GDAP1: variants seen among roughly 807,000 people sequenced by gnomAD.
GDAP1 encodes the protein ganglioside induced differentiation associated protein 1.
Under a neutral mutation model 40.1 loss-of-function variants are expected in GDAP1, and 34 were observed. The observed-to-expected ratio is 0.85, with a 90% CI of 0.64 to 1.13. The LOEUF (loss-of-function observed/expected upper bound fraction) is 1.13, where lower values mean the gene tolerates loss of function less well. Among genes scored for constraint, GDAP1 ranks in the 50% most tolerant of loss-of-function variants. The pLI is 0.00. For missense variants in GDAP1, 374 were observed against 433.7 expected (o/e 0.86, Z 1.22); for synonymous variants, 170 against 157.4 (o/e 1.08, Z -0.60).
At chr8:74,483,175 T>G (rs1331366770) in intron 2 of GDAP1, among the ~76,000 whole-genome samples, 2 of 152,160 alleles carry the variant, frequency 1.3e-5, no homozygotes, top group East Asian at 3.9e-4. Context: ...TATTGGGCAT[T>G]AATTAGATCA....
intron 2 of GDAP1, among the ~76,000 whole-genome samples, chr8:74,381,633 G>GT (rs1809955008): frequency 6.6e-6 from 1 of 151,936 alleles, no homozygotes; most frequent in Non-Finnish European, 1.5e-5. Flanking sequence ...GCAGGTGCCT[G>GT]TAATCCCAGC....
chr8:74,354,532 G>A (rs1425449489), intron 2 of GDAP1, among the ~76,000 whole-genome samples: 1 of 152,122 alleles, frequency 6.6e-6, no homozygotes, highest in African/African-American at 2.4e-5. Context: ...TATTTCTTAT[G>A]GAAATACAAC....
Position 74,453,940 on chromosome 8 carries a change from AACACACACACAC to A in GDAP1, c.166-34713_166-34702del, listed in dbSNP as rs59331820. Among the ~76,000 whole-genome samples, 38 of 59,076 alleles carry A rather than the reference AACACACACACAC, an allele frequency of 6.4e-4. 11 individuals are homozygous for A. The highest frequency in any genetic ancestry group is 2.2e-3 in the African/African-American group (28 of 12,632). 38.8% of individuals were successfully genotyped at this position (59,076 alleles called of 152,430 possible). The stretch of plus-strand genomic sequence containing the variant: ...CTTTATTATCTACTATTCTGAAGAA[AACACACACACAC>A]ACACACACACACACACACACACACG... On this transcript the variant is annotated intron_variant, in intron 2 of 2. Transcript: ENST00000523640.
At chr8:74,395,600 C>T (rs1810182529) in intron 2 of GDAP1, among the ~76,000 whole-genome samples, 1 of 152,166 alleles carries the variant, frequency 6.6e-6, no homozygotes, top group Admixed American at 6.5e-5. Context: ...ATATGAGTGA[C>T]ACTAGCGCAT....
intron 2 of GDAP1, among the ~76,000 whole-genome samples, chr8:74,423,827 C>T (rs1259586831): frequency 6.6e-6 from 1 of 152,070 alleles, no homozygotes; most frequent in Non-Finnish European, 1.5e-5. Context: ...CCCCTCCCCT[C>T]CTGAGAGAGG....
intron 2 of GDAP1, among the ~76,000 whole-genome samples, chr8:74,409,161 A>T (rs1221571649): frequency 6.7e-6 from 1 of 150,084 alleles, no homozygotes; most frequent in Non-Finnish European, 1.5e-5. Context: ...CTGGAAGCAG[A>T]TATGATTAGT....
chr8:74,474,984 C>T (rs543031841), intron 2 of GDAP1, among the ~76,000 whole-genome samples: 15 of 151,880 alleles, frequency 9.9e-5, no homozygotes, highest in African/African-American at 3.6e-4. Flanking sequence ...TTGGTCTGTT[C>T]AGTCTTCCTG....
At chr8:74,478,604 G>T (rs1806666502) in intron 2 of GDAP1, among the ~76,000 whole-genome samples, 1 of 152,130 alleles carries the variant, frequency 6.6e-6, no homozygotes, top group Non-Finnish European at 1.5e-5. Context: ...GTACCATCCT[G>T]CAGAGTTCAG....
At chr8:74,390,268 T>G (rs1810087334) in intron 2 of GDAP1, among the ~76,000 whole-genome samples, 1 of 152,142 alleles carries the variant, frequency 6.6e-6, no homozygotes, top group Non-Finnish European at 1.5e-5. Context: ...GGCATTCTGG[T>G]TTTTGGAATT....
chr8:74,435,992 A>C (rs916693405), intron 2 of GDAP1, among the ~76,000 whole-genome samples: 2 of 152,216 alleles, frequency 1.3e-5, no homozygotes, highest in Non-Finnish European at 2.9e-5. Context: ...AATATTTTGA[A>C]AATGCATCCT....
At chr8:74,449,666 A>G (rs920661596) in intron 2 of GDAP1, among the ~76,000 whole-genome samples, 12 of 151,826 alleles carry the variant, frequency 7.9e-5, no homozygotes, top group African/African-American at 2.7e-4. Context: ...CTGCAACTTT[A>G]CTAAGCTCAT....
chr8:74,399,842 C>G (rs1810290330), intron 2 of GDAP1, among the ~76,000 whole-genome samples: 1 of 140,054 alleles, frequency 7.1e-6, no homozygotes, highest in Admixed American at 6.9e-5. Flanking sequence ...TGTTCAGTTT[C>G]CATGTAGTTG....
At chr8:74,406,757 C>T (rs1024387509) in intron 2 of GDAP1, among the ~76,000 whole-genome samples, 1 of 149,702 alleles carries the variant, frequency 6.7e-6, no homozygotes, top group Non-Finnish European at 1.5e-5. Context: ...TTACATCTAC[C>T]ATGGATTTCC....
At chr8:74,426,133 A>G (rs1805944774) in intron 2 of GDAP1, among the ~76,000 whole-genome samples, 1 of 152,210 alleles carries the variant, frequency 6.6e-6, no homozygotes, top group Non-Finnish European at 1.5e-5. Context: ...GACTATACAT[A>G]TTTTTTAAAC....
intron 2 of GDAP1, among the ~76,000 whole-genome samples, chr8:74,390,988 G>A (rs1051739230): frequency 2.6e-5 from 4 of 152,156 alleles, no homozygotes; most frequent in Admixed American, 2.0e-4. Flanking sequence ...ACTATGAGGG[G>A]AAAACTGCCT....
In GDAP1 at chr8:74,439,764, C is replaced by G. The variant is rs142884927; in HGVS notation, c.166-48914C>G. ...TTCCCCCATTCTTTCCATTATCACT[C>G]TCTTTAAACCATAAATTAAATTTTG... is the stretch of plus-strand genomic sequence containing the variant. On this transcript the variant is annotated intron_variant, in intron 2 of 2. Coordinates refer to the GDAP1 transcript ENST00000523640. Among the ~76,000 whole-genome samples the G allele has an allele frequency of 4.1e-3, 622 of 151,990 alleles. 2 individuals carry two copies. Among genetic ancestry groups the G allele is most frequent in the Non-Finnish European group, 7.0e-3 (474 of 67,914 alleles).
chr8:74,404,849 C>A (rs1433738195), intron 2 of GDAP1, among the ~76,000 whole-genome samples: 1 of 149,800 alleles, frequency 6.7e-6, no homozygotes, highest in Non-Finnish European at 1.5e-5. Flanking sequence ...TTCCAAGACC[C>A]TCCCTCAACC....
At position 74,470,722 on chromosome 8, in the gene GDAP1, A is replaced by G. The variant is rs1259872245; in HGVS notation, c.166-17956A>G. 2.6e-5 allele frequency among the ~76,000 whole-genome samples: 4 copies of G among 152,206 alleles called. No individual in the cohort carries two copies. The East Asian group carries it at 7.7e-4, about 29-fold the overall frequency. On this transcript the variant is annotated intron_variant, in intron 2 of 2. Transcript: ENST00000523640. ...AGTGCCGCAATAAACATAGGTATGC[A>G]TGTGTCTTTATAGCAGCATGATTTA...
At chr8:74,383,079 G>T (rs1467615666) in intron 2 of GDAP1, among the ~76,000 whole-genome samples, 1 of 152,126 alleles carries the variant, frequency 6.6e-6, no homozygotes, top group Non-Finnish European at 1.5e-5. Flanking sequence ...TTAAGTCTGG[G>T]TCTTTTCAAG....
Sources: gnomAD v4.1 joint callset for allele counts (sites outside exome capture counted in the v4.1 genomes callset) on GRCh38, gnomAD v4.1.1 for gene constraint, MANE v1.5 for transcripts, NCBI Gene and HGNC (gene_info 2026-07-23, HGNC 2026-07-21) for gene names.